The following NLE1 variants were observed in gnomAD, a reference collection of about 807,000 sequenced individuals.
NLE1 encodes the protein notchless homolog 1.
In NLE1, 37 loss-of-function variants were observed where a neutral mutation model predicts 62.8. The observed-to-expected ratio is 0.59, with a 90% confidence interval of 0.45 to 0.78. NLE1 has a LOEUF of 0.78. Ranked by LOEUF, NLE1 falls within the 30% of genes least tolerant of loss-of-function variation. The pLI is 0.00. For missense variants in NLE1, 555 were observed against 637.9 expected, an observed-to-expected ratio of 0.87 and a Z score of 1.40; for synonymous variants, 243 against 253.0, an observed-to-expected ratio of 0.96 and a Z score of 0.37.
At chr17:35,140,825 A>G (rs1204832699) in intron 2 of NLE1, among the ~76,000 whole-genome samples, 1 of 151,668 alleles carries the variant, frequency 6.6e-6, no homozygotes, top group Non-Finnish European at 1.5e-5. Flanking sequence ...CCTGACCTCT[A>G]GTGATCTGCC....
rs2091888903 is a variant in NLE1 at position 35,133,366 on chromosome 17, G to A, written c.1347C>T (p.Ala449=). ...KVWDVKAQKL[A]MDLPGHADEV... is the part of the protein sequence containing the mutation. ...CATCCGCGTGGCCGGGCAGGTCCATGGCCAGCTTCTGGGCCTTCACATCCC... is the reference window on the plus strand; with the variant it reads ...CATCCGCGTGGCCGGGCAGGTCCATAGCCAGCTTCTGGGCCTTCACATCCC... The change falls in exon 11 of 13, where the codon GCC becomes GCT. Residue 449 remains alanine (A), a synonymous_variant. Coordinates refer to ENST00000442241, the MANE Select transcript of NLE1 (RefSeq NM_018096.5). The A allele has an allele frequency of 1.9e-6, 3 of 1,614,024 alleles. No individual in the cohort carries two copies. The highest frequency in any genetic ancestry group is 1.6e-4 in the Middle Eastern group (1 of 6,084).
At position 35,131,887 on chromosome 17, in the gene NLE1, C is replaced by G. The variant is rs1192633801; in HGVS notation, c.*550G>C. Reference sequence around the variant, plus strand: ...CAATACAGCCCTAGATTCTCCTTGGCCACTATCACAACTGGCCTCTCTCTT... The same window carrying G: ...CAATACAGCCCTAGATTCTCCTTGGGCACTATCACAACTGGCCTCTCTCTT... On this transcript the variant is annotated 3_prime_UTR_variant, in exon 13 of 13. Transcript: ENST00000442241. The G allele has an allele frequency of 1.3e-5, 2 of 152,240 alleles. No homozygotes were observed. The highest frequency in any genetic ancestry group is 6.5e-5 in the Admixed American group (1 of 15,276). 9.4% of individuals were successfully genotyped at this position (152,240 alleles called of 1,614,324 possible). A position where few individuals can be genotyped will look rare whatever the true frequency, so the allele number is the denominator to read the frequency against.
Position 35,129,628 on chromosome 17 carries a change from T to G in NLE1, c.*2809A>C, listed in dbSNP as rs1218953625. 86 of 1,613,852 alleles carry G rather than the reference T, an allele frequency of 5.3e-5. No individual in the cohort carries two copies. Among genetic ancestry groups the G allele is most frequent in the Non-Finnish European group, 7.2e-5 (85 of 1,180,000 alleles). ...TCAGTGTCCGTGCAGCCAACACAGC[T>G]GGGGTGGGGAAGTGGTGCAAGCCCT... On this transcript the variant is annotated 3_prime_UTR_variant, in exon 13 of 13. Transcript: ENST00000442241.
In NLE1 at chr17:35,136,232, G is replaced by A; in HGVS notation, c.965-17C>T. 6.2e-7 allele frequency: 1 copy of A among 1,614,016 alleles called. No individual in the cohort carries two copies. The highest frequency in any genetic ancestry group is 8.5e-7 in the Non-Finnish European group (1 of 1,179,912). On this transcript the variant is annotated splice_polypyrimidine_tract_variant and intron_variant, in intron 8 of 12. Transcript: ENST00000442241. ...ACTCCTGCACTGTGACCAGGTACCG[G>A]AGGGGAGAAAAGGAGATGAGGAAGA...
chr17:35,133,580 A>T, intron 10 of NLE1, 82 bp from the exon 11 acceptor site: 1 of 1,332,886 alleles, frequency 7.5e-7, no homozygotes, highest in Non-Finnish European at 1.0e-6. Flanking sequence ...CGCTCATGGC[A>T]GTGGTTCTCA....
chr17:35,141,438 C>G (rs1460238066), intron 2 of NLE1, among the ~76,000 whole-genome samples: 1 of 150,166 alleles, frequency 6.7e-6, no homozygotes, highest in South Asian at 2.1e-4. Flanking sequence ...CCCAGCTACT[C>G]GGGAGGCTGA....
rs746857060 is a variant in NLE1, at chr17:35,129,429, G to A, written c.*3008C>T. 2.5e-6 allele frequency: 4 copies of A among 1,613,464 alleles called. No individual in the cohort carries two copies. The highest frequency in any genetic ancestry group is 2.5e-6 in the Non-Finnish European group (3 of 1,179,460). ...GGCTCTCTCTTCCCCTAGATTTCCT[G>A]GACCTACGCCTTGGGCAAGCAGCCG... is the stretch of plus-strand genomic sequence containing the variant. On this transcript the variant is annotated 3_prime_UTR_variant, in exon 13 of 13. Transcript: ENST00000442241.
intron 7 of NLE1, 30 bp from the exon 8 acceptor site, chr17:35,136,527 C>T: frequency 6.3e-7 from 1 of 1,593,244 alleles, no homozygotes; most frequent in South Asian, 1.1e-5. Context: ...GTCAGACACA[C>T]ACACTCCTCC....
At chr17:35,132,923 T>C (rs1385743180) in intron 12 of NLE1, among the ~76,000 whole-genome samples, 1 of 151,658 alleles carries the variant, frequency 6.6e-6, no homozygotes, top group Non-Finnish European at 1.5e-5. Context: ...GCCCTCCCAC[T>C]TGCCCACTGA....
chr17:35,137,522 A>G, intron 6 of NLE1, 21 bp downstream of exon 6: 1 of 1,589,320 alleles, frequency 6.3e-7, no homozygotes, highest in Non-Finnish European at 8.6e-7. Flanking sequence ...CATTTGTCCC[A>G]GCTCCGTCAG....
In NLE1 at chr17:35,129,104, C is replaced by T. The variant is rs573981815; in HGVS notation, c.*3333G>A. 3.7e-4 allele frequency: 98 copies of T among 263,776 alleles called. 2 individuals carry two copies. The South Asian group carries it at 6.6e-3, about 18-fold the overall frequency. 16.3% of individuals were successfully genotyped at this position (263,776 alleles called of 1,614,324 possible). A position where few individuals can be genotyped will look rare whatever the true frequency, so the allele number is the denominator to read the frequency against. On this transcript the variant is annotated 3_prime_UTR_variant, in exon 13 of 13. Transcript: ENST00000442241. ...CGCTTGCTCGCCCACCAATCTCCTC[C>T]TGCTGTGCTATCCAGTTCCTAACAG... is the stretch of plus-strand genomic sequence containing the variant.
chr17:35,135,269 C>G lies in NLE1; in HGVS notation c.1194G>C (p.Leu398=). 6.2e-7 allele frequency: 1 copy of G among 1,614,198 alleles called. No individual in the cohort carries two copies. The highest frequency in any genetic ancestry group is 8.5e-7 in the Non-Finnish European group (1 of 1,180,030). The change falls in exon 10 of 13, where the codon CTG becomes CTC. Residue 398 remains leucine, a synonymous_variant. Coordinates refer to ENST00000442241, the MANE Select transcript of NLE1 (RefSeq NM_018096.5). ...CTCACTTGCCCGTCCTGCCATCCCA[C>G]AGCTTGATGGACTTGTCAAAGGAGG... is the stretch of plus-strand genomic sequence containing the variant. ...ASASFDKSIK[L]WDGRTGKYLA...
At chr17:35,141,075 A>G (rs1224908006) in intron 2 of NLE1, among the ~76,000 whole-genome samples, 1 of 152,192 alleles carries the variant, frequency 6.6e-6, no homozygotes, top group Non-Finnish European at 1.5e-5. Flanking sequence ...GTGTTTCCCA[A>G]ACTACCACAC....
At chr17:35,139,425 GGAGA>G (rs1396909980) in intron 3 of NLE1, 111 bp from the exon 4 acceptor site, 6 of 865,728 alleles carry the variant, frequency 6.9e-6, no homozygotes, top group Non-Finnish European at 1.1e-5. Flanking sequence ...CCCCTGGAAG[GGAGA>G]AAGACAATAC....
chr17:35,138,531 C>G (rs934632464), intron 4 of NLE1, among the ~76,000 whole-genome samples: 1 of 152,206 alleles, frequency 6.6e-6, no homozygotes, highest in African/African-American at 2.4e-5. Context: ...GCAACCTCCG[C>G]CTCCTAGATT....
At position 35,131,130 on chromosome 17, in the gene NLE1, A is replaced by C. The variant is rs1428911070; in HGVS notation, c.*1307T>G. ...CATTTCTTATGTTGTTTCCTCATCA[A>C]AAGTTTTGGAGCTTGAGAACCTTCC... On this transcript the variant is annotated 3_prime_UTR_variant, in exon 13 of 13. Transcript: ENST00000442241. 6.6e-6 allele frequency: 1 copy of C among 152,184 alleles called. No individual in the cohort carries two copies. The highest frequency in any genetic ancestry group is 1.5e-5 in the Non-Finnish European group (1 of 68,062). The allele number at this position is 152,184 out of a possible 1,614,324, so 9.4% of individuals were successfully genotyped here. A position where few individuals can be genotyped will look rare whatever the true frequency, so the allele number is the denominator to read the frequency against.
At chr17:35,135,167 G>A in intron 10 of NLE1, 82 bp downstream of exon 10, 2 of 1,329,376 alleles carry the variant, frequency 1.5e-6, no homozygotes, top group Non-Finnish European at 2.2e-6. Flanking sequence ...CACCTGCCAA[G>A]GCCATACAGC....
At position 35,131,411 on chromosome 17, in the gene NLE1, A is replaced by G. The variant is rs954482108; in HGVS notation, c.*1026T>C. 3 of 152,224 alleles carry G rather than the reference A, an allele frequency of 2.0e-5. No homozygotes were observed. Among genetic ancestry groups the G allele is most frequent in the Non-Finnish European group, 2.9e-5 (2 of 68,074 alleles). The allele number at this position is 152,224 out of a possible 1,614,324, so 9.4% of individuals were successfully genotyped here. A position where few individuals can be genotyped will look rare whatever the true frequency, so the allele number is the denominator to read the frequency against. On this transcript the variant is annotated 3_prime_UTR_variant, in exon 13 of 13. Transcript: ENST00000442241. Reference sequence around the variant, plus strand: ...TCCAATCTGAGTAGTTCAGACCATGACCCTGCTTAGCATGGGATGCAGGAG... The same window carrying G: ...TCCAATCTGAGTAGTTCAGACCATGGCCCTGCTTAGCATGGGATGCAGGAG...
Position 35,132,406 on chromosome 17 carries a change from AGGTGG to A in NLE1, c.*26_*30del, listed in dbSNP as rs745511981. On this transcript the variant is annotated 3_prime_UTR_variant, in exon 13 of 13. Transcript: ENST00000442241. ...AAGGCAGCTGGCAGAGGCCGAGTCG[AGGTGG>A]GGGTCAGAGAGAACTTCGGGCCGTC... 6 of 1,446,398 alleles carry A rather than the reference AGGTGG, an allele frequency of 4.1e-6. No individual in the cohort carries two copies. Among genetic ancestry groups the A allele is most frequent in the Non-Finnish European group, 5.5e-6 (6 of 1,095,618 alleles). 89.6% of individuals were successfully genotyped at this position (1,446,398 alleles called of 1,614,324 possible). A position where few individuals can be genotyped will look rare whatever the true frequency, so the allele number is the denominator to read the frequency against.
Sources: gnomAD v4.1 joint callset for allele counts (sites outside exome capture counted in the v4.1 genomes callset) on GRCh38, gnomAD v4.1.1 for gene constraint, MANE v1.5 for transcripts, NCBI Gene and HGNC (gene_info 2026-07-23, HGNC 2026-07-21) for gene names.